Variants in TENM4 observed in about 807,000 individuals in gnomAD.
TENM4 encodes the protein teneurin-4.
TENM4 carries 82 observed loss-of-function variants against 243.3 expected under a neutral mutation model. That is an observed-to-expected ratio of 0.34 (90% CI 0.28 to 0.40). The LOEUF (loss-of-function observed/expected upper bound fraction) is 0.40, where lower values mean the gene tolerates loss of function less well. Among genes scored for constraint, TENM4 ranks in the 10% least tolerant of loss-of-function variants. The pLI, the probability that TENM4 is intolerant of heterozygous loss-of-function variation, is 1.00. For synonymous variants in TENM4, 1,412 were observed against 1,456.3 expected (o/e 0.97, Z 0.69); for missense variants, 3,138 against 3,673.3 (o/e 0.85, Z 3.77).
intron 6 of TENM4, among the ~76,000 whole-genome samples, chr11:78,925,069 TC>T (rs1856525477): frequency 6.6e-6 from 1 of 152,328 alleles, no homozygotes; most frequent in African/African-American, 2.4e-5. Flanking sequence ...TTCTTTCTGT[TC>T]TTATTTGAGT....
intron 7 of TENM4, among the ~76,000 whole-genome samples, chr11:78,902,512 G>A (rs1855952913): frequency 6.6e-6 from 1 of 152,202 alleles, no homozygotes; most frequent in African/African-American, 2.4e-5. Context: ...ACTGGACAGG[G>A]AGTCAGGCAA....
At chr11:78,730,878 C>T (rs1045660118) in intron 21 of TENM4, among the ~76,000 whole-genome samples, 2 of 152,166 alleles carry the variant, frequency 1.3e-5, no homozygotes, top group African/African-American at 2.4e-5. Flanking sequence ...TAAACTACAG[C>T]TTATAAGTTT....
intron 6 of TENM4, among the ~76,000 whole-genome samples, chr11:78,913,604 TGTGTGTGTGTGTG>T (rs1856245320): frequency 6.6e-6 from 1 of 150,900 alleles, no homozygotes; most frequent in African/African-American, 2.4e-5. Flanking sequence ...TGTGTGTGTG[TGTGTGTGTGTGTG>T]TGTGTGTGTG....
chr11:78,777,388 T>C (rs1168757500), intron 17 of TENM4, among the ~76,000 whole-genome samples: 2 of 152,286 alleles, frequency 1.3e-5, no homozygotes, highest in East Asian at 3.9e-4. Flanking sequence ...CCCAAAACCC[T>C]TTCCATAAGT....
In TENM4 at chr11:78,670,453, C is replaced by G. The variant is rs368479596; in HGVS notation, c.5892G>C (p.Gln1964His). ...SSVTMPNVAR[Q>H]TLETIRSVGY... is the part of the protein sequence containing the mutation. ...CCACTGAGCGGATGGTCTCTAGTGT[C>G]TGCCGCGCCACGTTGGGCATCGTCA... Residue 1964 changes from glutamine to histidine, a missense_variant, in exon 32 of 34, where the codon CAG (glutamine) becomes CAC (histidine). By Grantham distance (24) the Gln-to-His change is conservative. This residue lies in a region of TENM4 where 2,467 missense variants were observed against 3,059.1 expected (regional missense o/e 0.81). Transcript: ENST00000278550. 6.2e-7 allele frequency: 1 copy of G among 1,613,884 alleles called. No homozygotes were observed. The highest frequency in any genetic ancestry group is 8.5e-7 in the Non-Finnish European group (1 of 1,179,912).
intron 6 of TENM4, among the ~76,000 whole-genome samples, chr11:78,976,028 C>T (rs976728711): frequency 6.6e-6 from 1 of 152,186 alleles, no homozygotes; most frequent in Non-Finnish European, 1.5e-5. Flanking sequence ...CTGCTGAACC[C>T]TATGCCCACA....
rs767570583 is a variant in TENM4 at position 78,669,857 on chromosome 11, A to T, written c.6488T>A (p.Met2163Lys). The T allele has an allele frequency of 6.2e-7, 1 of 1,613,680 alleles. No homozygotes were observed. Among genetic ancestry groups the T allele is most frequent in the Non-Finnish European group, 8.5e-7 (1 of 1,179,812 alleles). ...EVQYEIFRSL[M>K]YWMTVQYDNM... is the part of the protein sequence containing the mutation. ...ATCATACTGGACGGTCATCCAGTACATGAGCGAGCGGAAGATCTCATACTG... is the reference window on the plus strand; with the variant it reads ...ATCATACTGGACGGTCATCCAGTACTTGAGCGAGCGGAAGATCTCATACTG... Residue 2163 changes from methionine (M) to lysine (K), a missense_variant, in exon 32 of 34, where the codon ATG (methionine) becomes AAG (lysine). Met to Lys is a moderately conservative substitution (Grantham distance 95). Around this residue, in one of 2 missense-constraint regions of TENM4, gnomAD observed 2,467 missense variants for 3,059.1 expected, o/e 0.81. Coordinates refer to ENST00000278550, the MANE Select transcript of TENM4 (RefSeq NM_001098816.3). The surrounding 1 kb of genome is among the most constrained non-coding windows in gnomAD (Gnocchi z 6.4).
chr11:78,714,273 A>C (rs2135811507), intron 25 of TENM4, among the ~76,000 whole-genome samples: 1 of 152,308 alleles, frequency 6.6e-6, no homozygotes, highest in East Asian at 1.9e-4. Context: ...AGGCTGGGGC[A>C]CCATAATCTT....
At chr11:78,708,117 G>A (rs1859301485) in intron 27 of TENM4, among the ~76,000 whole-genome samples, 1 of 152,222 alleles carries the variant, frequency 6.6e-6, no homozygotes, top group Non-Finnish European at 1.5e-5. Context: ...TGCTGCTGAG[G>A]TTTCCTTAGG....
chr11:79,187,649 A>G (rs1863403060), intron 3 of TENM4, among the ~76,000 whole-genome samples: 1 of 152,228 alleles, frequency 6.6e-6, no homozygotes, highest in Non-Finnish European at 1.5e-5. Flanking sequence ...CCTAACCCCC[A>G]GTACCTCAGA....
chr11:79,337,819 C>T (rs1055950172), intron 1 of TENM4, among the ~76,000 whole-genome samples: 8 of 152,164 alleles, frequency 5.3e-5, no homozygotes, highest in African/African-American at 9.7e-5. Context: ...CCCATGCCAT[C>T]GAAGGCCTTG....
At chr11:78,671,984 T>C (rs760866520) in intron 31 of TENM4, 49 bp downstream of exon 31, 19 of 1,566,394 alleles carry the variant, frequency 1.2e-5, no homozygotes, top group Non-Finnish European at 1.6e-5. Context: ...CCGTGAATGA[T>C]TGGCCTTCTG....
intron 6 of TENM4, among the ~76,000 whole-genome samples, chr11:79,037,028 A>G (rs1420109495): frequency 2.1e-4 from 19 of 91,982 alleles, no homozygotes; most frequent in Non-Finnish European, 3.8e-4. Flanking sequence ...AAAAAAAAAA[A>G]AAAAAAAAAA....
chr11:79,007,785 C>T (rs79083570), intron 6 of TENM4, among the ~76,000 whole-genome samples: 1,589 of 152,282 alleles, frequency 0.01, 25 homozygotes, highest in African/African-American at 0.036. Flanking sequence ...TGGCCAAATC[C>T]GTGTACCTTC....
At chr11:78,676,465 G>A (rs564346791) in intron 29 of TENM4, 78 bp from the exon 30 acceptor site, 3 of 1,231,474 alleles carry the variant, frequency 2.4e-6, no homozygotes, top group African/African-American at 3.0e-5. Flanking sequence ...AGGCGGTGGA[G>A]GGGACTTTAA....
At chr11:78,824,093 C>A (rs991596077) in intron 12 of TENM4, among the ~76,000 whole-genome samples, 18 of 152,280 alleles carry the variant, frequency 1.2e-4, no homozygotes, top group Non-Finnish European at 2.2e-4. Context: ...AGGGATTCTT[C>A]TACCATACCA....
chr11:79,093,860 T>A (rs1332182779), intron 4 of TENM4: 1 of 152,226 alleles, frequency 6.6e-6, no homozygotes, highest in African/African-American at 2.4e-5. Context: ...CTTGAGCCAA[T>A]GCCAAGCCAA....
At chr11:79,197,058 C>T (rs1397200068) in intron 3 of TENM4, among the ~76,000 whole-genome samples, 2 of 152,190 alleles carry the variant, frequency 1.3e-5, no homozygotes, top group Admixed American at 6.5e-5. Flanking sequence ...GGCCCTTTTC[C>T]CCCATGCTTT....
intron 22 of TENM4, among the ~76,000 whole-genome samples, chr11:78,727,498 C>T (rs1855543753): frequency 6.6e-6 from 1 of 151,808 alleles, no homozygotes; most frequent in Non-Finnish European, 1.5e-5. Flanking sequence ...TACAGAATCA[C>T]ATATGACTTT....
Sources: allele counts gnomAD v4.1 joint callset (sites outside exome capture counted in the v4.1 genomes callset), GRCh38; gene constraint gnomAD v4.1.1; regional missense constraint gnomAD v4.1.1; non-coding constraint Gnocchi (gnomAD v3.1); transcripts MANE v1.5; gene names NCBI Gene and HGNC (gene_info 2026-07-23, HGNC 2026-07-21).